Variants in EML6 observed in about 807,000 individuals in gnomAD.
EML6 encodes EMAP like 6, also known as echinoderm microtubule-associated protein-like 6.
EML6 carries 154 observed loss-of-function variants against 240.1 expected under a neutral mutation model. The observed-to-expected ratio is 0.64, with a 90% confidence interval of 0.56 to 0.73. The LOEUF is 0.73. Among genes scored for constraint, EML6 ranks in the 30% least tolerant of loss-of-function variants. The probability of loss-of-function intolerance (pLI) is 0.00; values close to 1 mark genes in which losing one functional copy is unlikely to be tolerated. For missense variants in EML6, 2,964 were observed against 2,474.6 expected, an observed-to-expected ratio of 1.20 and a Z score of -4.20; for synonymous variants, 1,148 against 899.0, an observed-to-expected ratio of 1.28 and a Z score of -4.95.
intron 7 of EML6, among the ~76,000 whole-genome samples, chr2:54,830,336 C>T (rs899308175): frequency 1.1e-4 from 16 of 152,104 alleles, no homozygotes; most frequent in African/African-American, 2.2e-4. Context: ...ACAGACCCTG[C>T]GCCAAGGGAG....
At chr2:54,931,655 G>A (rs1261237407) in intron 28 of EML6, among the ~76,000 whole-genome samples, 1 of 152,138 alleles carries the variant, frequency 6.6e-6, no homozygotes, top group African/African-American at 2.4e-5. Flanking sequence ...AGATAATTCT[G>A]TATACCTGGG....
chr2:54,802,123 G>GA (rs1486846533), intron 2 of EML6, among the ~76,000 whole-genome samples: 3 of 152,010 alleles, frequency 2.0e-5, no homozygotes, highest in South Asian at 2.1e-4. Flanking sequence ...GTCATCAATG[G>GA]AAAAAACAGA....
At chr2:54,769,077 C>A (rs111545381) in intron 2 of EML6, among the ~76,000 whole-genome samples, 1,887 of 152,164 alleles carry the variant, frequency 0.012, 48 homozygotes, top group African/African-American at 0.043. Context: ...TTTGATTAAT[C>A]AAAATACAAT....
At chr2:54,757,625 G>C (rs1667794491) in intron 2 of EML6, among the ~76,000 whole-genome samples, 1 of 152,108 alleles carries the variant, frequency 6.6e-6, no homozygotes, top group South Asian at 2.1e-4. Context: ...CCAGAGTTCT[G>C]CTGGGTGAGA....
chr2:54,961,193 T>TTTTTTTG (rs1573222645), intron 35 of EML6, among the ~76,000 whole-genome samples: 1 of 114,892 alleles, frequency 8.7e-6, no homozygotes, highest in East Asian at 2.6e-4. Flanking sequence ...AGTTTTTTTT[T>TTTTTTTG]TTTTTTTTTT....
rs542278379 is a variant in EML6 at position 54,820,603 on chromosome 2, C to A, written c.525+141C>A. 73 of 548,358 alleles carry A rather than the reference C, an allele frequency of 1.3e-4. 1 individual carries two copies. In the South Asian group the frequency reaches 2.0e-3, roughly 15 times the overall value. 34.0% of individuals were successfully genotyped at this position (548,358 alleles called of 1,614,324 possible). ...GAGCCCTCTTACCTGTTTCTCTGCT[C>A]CTGAAGCAAACTAACATCAGCTGAT... is the stretch of plus-strand genomic sequence containing the variant. On this transcript the variant is annotated intron_variant, in intron 5 of 41. Coordinates refer to ENST00000356458, the MANE Select transcript of EML6 (RefSeq NM_001039753.4).
chr2:54,920,051 A>G (rs1376413563), intron 26 of EML6, among the ~76,000 whole-genome samples: 1 of 152,196 alleles, frequency 6.6e-6, no homozygotes, highest in Non-Finnish European at 1.5e-5. Flanking sequence ...TGTAATTTAA[A>G]GTAAACTGTA....
rs1291956218 is a variant in EML6, at chr2:54,882,874, AG to A, written c.2438+3235del. ...CTCCGTCTCAAAAAAAAAAAAAAAA[AG>A]AAAGCTTAGGGACACACTAAGCTTA... On this transcript the variant is annotated intron_variant, in intron 17 of 41. Coordinates refer to ENST00000356458, the MANE Select transcript of EML6 (RefSeq NM_001039753.4). The A allele has an allele frequency of 4.8e-5, 6 of 125,610 alleles. No individual in the cohort carries two copies. In the South Asian group the frequency reaches 1.3e-3, roughly 26 times the overall value. The allele number at this position is 125,610 out of a possible 1,614,324, so 7.8% of individuals were successfully genotyped here.
chr2:54,870,011 T>G (rs986443319), intron 15 of EML6, among the ~76,000 whole-genome samples: 1 of 152,118 alleles, frequency 6.6e-6, no homozygotes, highest in Non-Finnish European at 1.5e-5. Context: ...GTCAAAAGTA[T>G]TTTTAGTTTT....
chr2:54,832,006 G>A (rs548482274), intron 7 of EML6, among the ~76,000 whole-genome samples: 3 of 152,076 alleles, frequency 2.0e-5, no homozygotes, highest in Non-Finnish European at 4.4e-5. Flanking sequence ...ATATGCTGGG[G>A]TTTAATTTTT....
intron 8 of EML6, among the ~76,000 whole-genome samples, chr2:54,844,701 T>C (rs1669655341): frequency 6.6e-6 from 1 of 152,224 alleles, no homozygotes; most frequent in Non-Finnish European, 1.5e-5. Context: ...TATTTCTTTT[T>C]AAAGTCTCAG....
At position 54,892,666 on chromosome 2, in the gene EML6, G is replaced by T. The variant is rs922442772; in HGVS notation, c.2742+10G>T. 7.8e-6 allele frequency: 12 copies of T among 1,541,780 alleles called. No individual in the cohort carries two copies. In the African/African-American group the frequency reaches 8.2e-5, roughly 11 times the overall value. ...GTATGCACTGGATAAGGTATGGCCTGTGTATCAGCATTCATTTTCCTCATC... is the reference window on the plus strand; with the variant it reads ...GTATGCACTGGATAAGGTATGGCCTTTGTATCAGCATTCATTTTCCTCATC... On this transcript the variant is annotated intron_variant, in intron 19 of 41. Transcript: ENST00000356458.
chr2:54,853,915 A>C, intron 11 of EML6, 60 bp downstream of exon 11: 1 of 1,046,286 alleles, frequency 9.6e-7, no homozygotes, highest in Non-Finnish European at 1.4e-6. Flanking sequence ...ATACAGTACA[A>C]TTAAGGCTGA....
chr2:54,849,344 A>G (rs532299924), intron 9 of EML6, among the ~76,000 whole-genome samples: 4 of 152,236 alleles, frequency 2.6e-5, no homozygotes, highest in Non-Finnish European at 5.9e-5. Flanking sequence ...CCACTGATCT[A>G]TCAAACGCTG....
At chr2:54,834,581 T>G (rs1669037676) in intron 7 of EML6, among the ~76,000 whole-genome samples, 1 of 152,216 alleles carries the variant, frequency 6.6e-6, no homozygotes, top group Non-Finnish European at 1.5e-5. Flanking sequence ...AAAAGTATAC[T>G]TCAGTCAAGA....
chr2:54,955,419 C>G (rs1433944189), intron 32 of EML6, among the ~76,000 whole-genome samples: 31 of 152,166 alleles, frequency 2.0e-4, no homozygotes, highest in Admixed American at 2.0e-3. Flanking sequence ...CCCTTGAATA[C>G]TTTCAAGGAT....
At chr2:54,790,653 A>G (rs2103902276) in intron 2 of EML6, among the ~76,000 whole-genome samples, 1 of 151,918 alleles carries the variant, frequency 6.6e-6, no homozygotes, top group South Asian at 2.1e-4. Flanking sequence ...GCTTTCCCAC[A>G]GTTGATCATT....
At chr2:54,892,421 T>C in intron 18 of EML6, 33 bp from the exon 19 acceptor site, 3 of 1,479,492 alleles carry the variant, frequency 2.0e-6, no homozygotes, top group Non-Finnish European at 2.8e-6. Flanking sequence ...TGCCAGATTT[T>C]ATAAAGTAAT....
chr2:54,899,157 A>G (rs1672926950), intron 21 of EML6, among the ~76,000 whole-genome samples: 1 of 152,196 alleles, frequency 6.6e-6, no homozygotes, highest in Non-Finnish European at 1.5e-5. Flanking sequence ...AAAATTGCAT[A>G]AATAATTAGA....
Sources: allele counts gnomAD v4.1 joint callset (sites outside exome capture counted in the v4.1 genomes callset), GRCh38; gene constraint gnomAD v4.1.1; transcripts MANE v1.5; gene names NCBI Gene and HGNC (gene_info 2026-07-23, HGNC 2026-07-21).